The following EML4 variants were observed in gnomAD, a reference collection of about 807,000 sequenced individuals.
EML4 encodes echinoderm microtubule-associated protein-like 4.
Under a neutral mutation model 129.0 loss-of-function variants are expected in EML4, and 72 were observed. The ratio of observed to expected loss-of-function variants is 0.56; its 90% CI spans 0.46 to 0.68. EML4 has a LOEUF of 0.68. EML4 is among the 30% of genes least tolerant of loss of function. EML4 has a pLI of 0.00. For synonymous variants in EML4, 532 were observed against 405.0 expected (o/e 1.31, Z -3.77); for missense variants, 1,363 against 1,190.6 (o/e 1.14, Z -2.13).
intron 1 of EML4, among the ~76,000 whole-genome samples, chr2:42,235,410 C>T (rs371715321): frequency 1.3e-5 from 2 of 152,072 alleles, no homozygotes; most frequent in African/African-American, 2.4e-5. Flanking sequence ...TTGCAGTGAG[C>T]TGAGATCATG....
At chr2:42,209,895 C>T (rs373059736) in intron 1 of EML4, among the ~76,000 whole-genome samples, 1 of 152,288 alleles carries the variant, frequency 6.6e-6, no homozygotes, top group East Asian at 1.9e-4. Context: ...TGCCATTGCA[C>T]TCCAGCCTGG....
intron 1 of EML4, among the ~76,000 whole-genome samples, chr2:42,177,336 T>C (rs1212499281): frequency 6.6e-6 from 1 of 152,042 alleles, no homozygotes; most frequent in Non-Finnish European, 1.5e-5. Context: ...GTAAAATTAC[T>C]TTGAAAATTA....
At chr2:42,178,072 A>T (rs975052861) in intron 1 of EML4, among the ~76,000 whole-genome samples, 1 of 152,218 alleles carries the variant, frequency 6.6e-6, no homozygotes, top group Non-Finnish European at 1.5e-5. Flanking sequence ...TATGTCTTTG[A>T]CAAGTTTTTA....
At chr2:42,197,935 G>T (rs543195397) in intron 1 of EML4, among the ~76,000 whole-genome samples, 1 of 152,266 alleles carries the variant, frequency 6.6e-6, no homozygotes, top group East Asian at 1.9e-4. Context: ...TAAGAATCTG[G>T]GCTCCAGAGT....
chr2:42,223,911 A>G (rs1459726785), intron 1 of EML4, among the ~76,000 whole-genome samples: 1 of 152,134 alleles, frequency 6.6e-6, no homozygotes, highest in Non-Finnish European at 1.5e-5. Flanking sequence ...TTCACATACT[A>G]ATAATACCAC....
intron 1 of EML4, among the ~76,000 whole-genome samples, chr2:42,218,267 T>C (rs1432209902): frequency 6.6e-6 from 1 of 152,086 alleles, no homozygotes; most frequent in East Asian, 1.9e-4. Flanking sequence ...ATGCCTGATC[T>C]GTCACTGTTT....
chr2:42,295,616 A>C, intron 13 of EML4, 100 bp downstream of exon 13: 1 of 992,886 alleles, frequency 1.0e-6, no homozygotes, highest in South Asian at 2.0e-5. Context: ...CAGTGTAACA[A>C]TATGAGCAAG....
chr2:42,184,843 A>G (rs1671153932), intron 1 of EML4, among the ~76,000 whole-genome samples: 1 of 152,122 alleles, frequency 6.6e-6, no homozygotes, highest in African/African-American at 2.4e-5. Flanking sequence ...TTGTCTCTTC[A>G]GTTAGGAAAT....
intron 1 of EML4, among the ~76,000 whole-genome samples, chr2:42,225,883 T>G (rs1161833623): frequency 1.3e-5 from 2 of 152,174 alleles, no homozygotes; most frequent in Non-Finnish European, 2.9e-5. Context: ...GAAAGCAAGT[T>G]GAATTTATGT....
Position 42,236,326 on chromosome 2 carries a change from A to G in EML4, c.26-9179A>G, listed in dbSNP as rs1043129588. Among the ~76,000 whole-genome samples the G allele has an allele frequency of 3.9e-5, 6 of 152,280 alleles. 1 individual carries two copies. The East Asian group carries it at 1.2e-3, about 29-fold the overall frequency. On this transcript the variant is annotated intron_variant, in intron 1 of 22. Transcript: ENST00000318522. ...TCACAATTTACCCGTTTTACAATTG[A>G]TAGATATTTAGGTTGTTTCCAATTT...
At chr2:42,323,548 T>C (rs980457216) in intron 19 of EML4, among the ~76,000 whole-genome samples, 1 of 152,184 alleles carries the variant, frequency 6.6e-6, no homozygotes, top group Non-Finnish European at 1.5e-5. Flanking sequence ...GACACATCGG[T>C]AGACTTCAGA....
At chr2:42,224,336 A>G (rs1673812709) in intron 1 of EML4, among the ~76,000 whole-genome samples, 1 of 152,074 alleles carries the variant, frequency 6.6e-6, no homozygotes, top group Non-Finnish European at 1.5e-5. Flanking sequence ...TCTTTCACTA[A>G]GTATGTTTTC....
intron 1 of EML4, among the ~76,000 whole-genome samples, chr2:42,233,423 A>G (rs940994375): frequency 3.4e-4 from 52 of 151,118 alleles, no homozygotes; most frequent in Middle Eastern, 3.4e-3. Context: ...CTCCTGCCTC[A>G]GCCTCCCCAG....
intron 1 of EML4, among the ~76,000 whole-genome samples, chr2:42,193,255 A>G (rs1206431555): frequency 6.6e-6 from 1 of 152,246 alleles, no homozygotes; most frequent in Non-Finnish European, 1.5e-5. Context: ...GTAGTAGGCT[A>G]TACCATCTAG....
chr2:42,246,237 G>T (rs1675394247), intron 2 of EML4, among the ~76,000 whole-genome samples: 1 of 152,170 alleles, frequency 6.6e-6, no homozygotes, highest in African/African-American at 2.4e-5. Flanking sequence ...TCAAGACCCT[G>T]TTGCTCTGAG....
intron 6 of EML4, among the ~76,000 whole-genome samples, chr2:42,270,573 C>T (rs1666309285): frequency 6.6e-6 from 1 of 152,186 alleles, no homozygotes; most frequent in Non-Finnish European, 1.5e-5. Context: ...CCTGTGCAAA[C>T]TGAGCATTGT....
intron 17 of EML4, among the ~76,000 whole-genome samples, chr2:42,305,890 T>C (rs1668570183): frequency 6.6e-6 from 1 of 152,240 alleles, no homozygotes; most frequent in Non-Finnish European, 1.5e-5. Context: ...AGAGGGGGTT[T>C]TTTTATAGCG....
At chr2:42,314,038 G>A (rs561199543) in intron 17 of EML4, among the ~76,000 whole-genome samples, 8 of 152,000 alleles carry the variant, frequency 5.3e-5, no homozygotes, top group African/African-American at 1.9e-4. Context: ...GACTCAGATG[G>A]TAGGAGCAGG....
At chr2:42,312,164 C>T (rs563075312) in intron 17 of EML4, among the ~76,000 whole-genome samples, 11 of 152,224 alleles carry the variant, frequency 7.2e-5, no homozygotes, top group Admixed American at 1.3e-4. Context: ...GGTTAGCTTC[C>T]TGGAAGCTTC....
Sources: gnomAD v4.1 joint callset for allele counts (sites outside exome capture counted in the v4.1 genomes callset) on GRCh38, gnomAD v4.1.1 for gene constraint, MANE v1.5 for transcripts, NCBI Gene and HGNC (gene_info 2026-07-23, HGNC 2026-07-21) for gene names.